The following TTC28 variants were observed in gnomAD, a reference collection of about 807,000 sequenced individuals.
TTC28 encodes tetratricopeptide repeat domain 28.
Under a neutral mutation model 198.0 loss-of-function variants are expected in TTC28, and 61 were observed. The observed-to-expected ratio is 0.31, with a 90% CI of 0.25 to 0.38. The LOEUF is 0.38. TTC28 is among the 10% of genes least tolerant of loss of function. The pLI is 1.00. For missense variants in TTC28, 2,678 were observed against 3,164.0 expected, an observed-to-expected ratio of 0.85 and a Z score of 3.69; for synonymous variants, 1,171 against 1,297.8, an observed-to-expected ratio of 0.90 and a Z score of 2.10.
intron 2 of TTC28, among the ~76,000 whole-genome samples, chr22:28,518,173 G>A (rs1052672379): frequency 3.3e-5 from 5 of 151,840 alleles, no homozygotes; most frequent in African/African-American, 1.2e-4. Context: ...TCCTATCATT[G>A]GCTTTCTCTG....
chr22:27,993,363 T>C lies in TTC28; in HGVS notation c.5400A>G (p.Pro1800=), dbSNP rs1474602231. 13 of 1,550,802 alleles carry C rather than the reference T, an allele frequency of 8.4e-6. No homozygotes were observed. In the Admixed American group the frequency reaches 1.8e-4, roughly 21 times the overall value. The part of the protein sequence containing the change: ...FRLDPPTSGL[P]AAVFFPTSDP... The stretch of plus-strand genomic sequence containing the variant: ...CGGAGGTTGGGAAGAAGACAGCCGC[T>C]GGCAGGCCACTGGTTGGGGGGTCCA... Residue 1800 remains proline (P), a synonymous_variant, in exon 18 of 23, where the codon CCA becomes CCG. Transcript: ENST00000397906.
chr22:28,452,796 T>C (rs1377682720), intron 2 of TTC28, among the ~76,000 whole-genome samples: 2 of 152,126 alleles, frequency 1.3e-5, no homozygotes, highest in Non-Finnish European at 2.9e-5. Flanking sequence ...ATAAAGAATA[T>C]CTCATGACAG....
At chr22:28,324,272 C>T (rs988286121) in intron 2 of TTC28, among the ~76,000 whole-genome samples, 1 of 151,922 alleles carries the variant, frequency 6.6e-6, no homozygotes, top group Non-Finnish European at 1.5e-5. Flanking sequence ...GGCAACATGG[C>T]AAAACCCTGT....
intron 5 of TTC28, among the ~76,000 whole-genome samples, chr22:28,257,032 C>A (rs1281601588): frequency 2.6e-5 from 4 of 151,976 alleles, no homozygotes; most frequent in African/African-American, 9.7e-5. Flanking sequence ...GGAGTGAGAC[C>A]CTGTCTCTAA....
At chr22:28,185,503 GA>G (rs534144407) in intron 5 of TTC28, among the ~76,000 whole-genome samples, 257 of 151,858 alleles carry the variant, frequency 1.7e-3, no homozygotes, top group African/African-American at 5.9e-3. Context: ...ATCTTTCTTA[GA>G]AAAAAAGGAT....
rs568821159 is a variant in TTC28, at chr22:27,980,639, C to T, written c.*1582G>A. ...GTCTGCTCCATGTGCTGCTGGTGGC[C>T]CAGGCCAGGTGGCCGCCCACCTTCA... On this transcript the variant is annotated 3_prime_UTR_variant, in exon 23 of 23. Coordinates refer to ENST00000397906, the MANE Select transcript of TTC28 (RefSeq NM_001145418.2). 1 of 152,368 alleles carries T rather than the reference C, an allele frequency of 6.6e-6. No individual in the cohort carries two copies. Among genetic ancestry groups the T allele is most frequent in the South Asian group, 2.1e-4 (1 of 4,826 alleles). 9.4% of individuals were successfully genotyped at this position (152,368 alleles called of 1,614,324 possible).
intron 17 of TTC28, among the ~76,000 whole-genome samples, chr22:27,995,594 CA>C (rs975481893): frequency 2.0e-5 from 3 of 152,194 alleles, no homozygotes; most frequent in African/African-American, 2.4e-5. Context: ...GACTTGGACT[CA>C]GGGGCAGACT....
chr22:28,453,988 T>C (rs907121461), intron 2 of TTC28, among the ~76,000 whole-genome samples: 2 of 152,212 alleles, frequency 1.3e-5, no homozygotes, highest in African/African-American at 4.8e-5. Context: ...GCTGCAGCTA[T>C]ACCTGCCTTC....
chr22:28,178,813 G>A (rs1482884191), intron 5 of TTC28, among the ~76,000 whole-genome samples: 1 of 152,160 alleles, frequency 6.6e-6, no homozygotes, highest in African/African-American at 2.4e-5. Flanking sequence ...TAGACTCAAA[G>A]AGGCAAAGAC....
intron 15 of TTC28, chr22:28,001,107 A>G: frequency 4.9e-6 from 2 of 408,390 alleles, no homozygotes. Flanking sequence ...GCAGCTCCGT[A>G]CCCTGATGTC....
At chr22:28,465,752 A>G (rs529039021) in intron 2 of TTC28, among the ~76,000 whole-genome samples, 19 of 152,352 alleles carry the variant, frequency 1.2e-4, no homozygotes. Context: ...AACAAAGACC[A>G]GACATCAGGA....
intron 6 of TTC28, among the ~76,000 whole-genome samples, chr22:28,116,544 A>G (rs16986023): frequency 0.015 from 2,359 of 152,278 alleles, 78 homozygotes; most frequent in African/African-American, 0.055. Context: ...AAGCCCCGCC[A>G]TTAGTCACTG....
At chr22:28,499,422 A>G (rs988795596) in intron 2 of TTC28, among the ~76,000 whole-genome samples, 13 of 152,176 alleles carry the variant, frequency 8.5e-5, no homozygotes, top group Non-Finnish European at 1.6e-4. Context: ...TATTGACTAA[A>G]GTTTGCTACC....
At chr22:28,480,113 T>C (rs2048223722) in intron 2 of TTC28, among the ~76,000 whole-genome samples, 2 of 152,212 alleles carry the variant, frequency 1.3e-5, no homozygotes, top group Admixed American at 1.3e-4. Flanking sequence ...AGTCTCCAGA[T>C]GTGAACTGTC....
At position 28,168,754 on chromosome 22, in the gene TTC28, A is replaced by T. The variant is rs181961644; in HGVS notation, c.934-5155T>A. ...ACCTAGGCAATACCATTCAGGACAT[A>T]GGCATGGCCAAGGACTTCGTGTCTA... On this transcript the variant is annotated intron_variant, in intron 5 of 22. Transcript: ENST00000397906. Among the ~76,000 whole-genome samples, 59 of 152,360 alleles carry T rather than the reference A, an allele frequency of 3.9e-4. No individual in the cohort carries two copies. In the East Asian group the frequency reaches 9.3e-3, roughly 24 times the overall value.
At chr22:28,026,765 T>G (rs1161036646) in intron 13 of TTC28, among the ~76,000 whole-genome samples, 1 of 152,214 alleles carries the variant, frequency 6.6e-6, no homozygotes, top group African/African-American at 2.4e-5. Flanking sequence ...CTTACTTCTT[T>G]GTCCTCTGTT....
At chr22:28,405,049 A>G (rs953033783) in intron 2 of TTC28, among the ~76,000 whole-genome samples, 5 of 152,218 alleles carry the variant, frequency 3.3e-5, no homozygotes, top group African/African-American at 1.2e-4. Context: ...TTCTATCTTC[A>G]CACAGGGTTT....
At chr22:28,087,331 T>A (rs1343981802) in intron 12 of TTC28, among the ~76,000 whole-genome samples, 1 of 152,150 alleles carries the variant, frequency 6.6e-6, no homozygotes, top group Non-Finnish European at 1.5e-5. Flanking sequence ...GTGGGCTTCA[T>A]CCCTGGGATG....
intron 12 of TTC28, among the ~76,000 whole-genome samples, chr22:28,039,983 C>A (rs1395046711): frequency 6.6e-6 from 1 of 152,126 alleles, no homozygotes; most frequent in East Asian, 1.9e-4. Flanking sequence ...ACTAGAAAAT[C>A]TAGAAGAAAT....
Sources: allele counts gnomAD v4.1 joint callset (sites outside exome capture counted in the v4.1 genomes callset), GRCh38; gene constraint gnomAD v4.1.1; transcripts MANE v1.5; gene names NCBI Gene and HGNC (gene_info 2026-07-23, HGNC 2026-07-21).